Variants in ITGA3 observed in about 807,000 individuals in gnomAD.
ITGA3 encodes integrin subunit alpha 3.
A neutral mutation model predicts 131.1 loss-of-function variants in ITGA3; 70 were observed. The ratio of observed to expected loss-of-function variants is 0.53; its 90% CI spans 0.44 to 0.65. The LOEUF (loss-of-function observed/expected upper bound fraction) is 0.65, where lower values mean the gene tolerates loss of function less well. Among genes scored for constraint, ITGA3 ranks in the 30% least tolerant of loss-of-function variants. The pLI, the probability that ITGA3 is intolerant of heterozygous loss-of-function variation, is 0.00. For missense variants in ITGA3, 1,098 were observed against 1,388.6 expected (o/e 0.79, Z 3.33); for synonymous variants, 537 against 571.6 (o/e 0.94, Z 0.86).
Position 50,071,486 on chromosome 17 carries a change from C to T in ITGA3, c.927C>T (p.Ser309=), listed in dbSNP as rs139244482. 63 of 1,611,198 alleles carry T rather than the reference C, an allele frequency of 3.9e-5. No homozygotes were observed. The highest frequency in any genetic ancestry group is 6.7e-5 in the African/African-American group (5 of 74,908). ...EGSQVGAYFG[S]AIALADLNND... ...CGCAGGTGGGCGCCTATTTTGGCAG[C>T]GCCATTGCCCTGGCAGACCTGAACA... The change falls in exon 6 of 26, where the codon AGC becomes AGT. Residue 309 remains serine (S), a synonymous_variant. Transcript: ENST00000320031.
chr17:50,073,712 C>T (rs1042282571), intron 7 of ITGA3, among the ~76,000 whole-genome samples: 19 of 152,246 alleles, frequency 1.2e-4, no homozygotes, highest in Admixed American at 2.6e-4. Context: ...CTTTCCCACC[C>T]GTGATAGGAG....
Position 50,088,344 on chromosome 17 carries a change from C to A in ITGA3, c.*9C>A. 6.4e-7 allele frequency: 1 copy of A among 1,555,052 alleles called. No homozygotes were observed. ...TGACCGACGACTACTGAGGGGGCAGCCCCCCGCCCCCGGCCCACCTGGGTA... is the reference window on the plus strand; with the variant it reads ...TGACCGACGACTACTGAGGGGGCAGACCCCCGCCCCCGGCCCACCTGGGTA... On this transcript the variant is annotated 3_prime_UTR_variant, in exon 25 of 26. Transcript: ENST00000320031.
chr17:50,087,914 A>C (rs369700640), intron 24 of ITGA3, 45 bp downstream of exon 24: 14 of 1,509,112 alleles, frequency 9.3e-6, no homozygotes, highest in East Asian at 5.0e-5. Flanking sequence ...CCACCAGCAC[A>C]CTCACCAGCC....
intron 1 of ITGA3, among the ~76,000 whole-genome samples, chr17:50,059,794 G>C (rs2144254394): frequency 6.6e-6 from 1 of 152,290 alleles, no homozygotes; most frequent in East Asian, 1.9e-4. Flanking sequence ...ATGCCCTCGG[G>C]GGTCAAATAC....
chr17:50,074,061 G>T (rs1908762984), intron 8 of ITGA3, 57 bp downstream of exon 8: 1 of 1,555,566 alleles, frequency 6.4e-7, no homozygotes, highest in Non-Finnish European at 8.9e-7. Context: ...GGCCTTCCTT[G>T]CTTTCCTTCA....
At chr17:50,081,157 TGTG>T in intron 22 of ITGA3, 150 bp from the exon 23 acceptor site, 1 of 595,712 alleles carries the variant, frequency 1.7e-6, no homozygotes, top group Non-Finnish European at 3.0e-6. Flanking sequence ...TGCGCATTTG[TGTG>T]TGGAGGGGAG....
In ITGA3 at chr17:50,071,325, G is replaced by A; in HGVS notation, c.766G>A (p.Val256Ile). The A allele has an allele frequency of 6.2e-7, 1 of 1,614,018 alleles. No individual in the cohort carries two copies. The highest frequency in any genetic ancestry group is 8.5e-7 in the Non-Finnish European group (1 of 1,180,008). Reference sequence around the variant, plus strand: ...CTCTATCCCAGGGTACACGATGCAGGTAGGCAGCTTCATCCTGCACCCCAA... The same window carrying A: ...CTCTATCCCAGGGTACACGATGCAGATAGGCAGCTTCATCCTGCACCCCAA... ...GNLYIGYTMQ[V>I]GSFILHPKNI... Residue 256 changes from valine (V) to isoleucine (I), a missense_variant, in exon 6 of 26, where the codon GTA becomes ATA. Transcript: ENST00000320031.
intron 4 of ITGA3, 124 bp downstream of exon 4, chr17:50,068,429 A>G: frequency 3.0e-6 from 3 of 997,106 alleles, no homozygotes; most frequent in Non-Finnish European, 4.4e-6. Context: ...AGTATCAGCA[A>G]CCACCATGAC....
rs142148059 is a variant in ITGA3, at chr17:50,089,267, G to A, written c.*189G>A. The A allele has an allele frequency of 3.1e-5, 50 of 1,612,004 alleles. No homozygotes were observed. Among genetic ancestry groups the A allele is most frequent in the Admixed American group, 6.7e-5 (4 of 59,884 alleles). The stretch of plus-strand genomic sequence containing the variant: ...CAGACTCGGGACCAATACTACTGAC[G>A]TCCTCCCTGATCCCACCCCCTCCTC... On this transcript the variant is annotated 3_prime_UTR_variant, in exon 26 of 26. Coordinates refer to ENST00000320031, the MANE Select transcript of ITGA3 (RefSeq NM_002204.4).
chr17:50,090,257 A>C lies in ITGA3; in HGVS notation c.*1179A>C, dbSNP rs1062542. ...GTTCTTAGCTATCCTTGGCTTTCAG[A>C]GCCAGCCTGGCTCTGCCCCCTCCCC... is the stretch of plus-strand genomic sequence containing the variant. On this transcript the variant is annotated 3_prime_UTR_variant, in exon 26 of 26. Transcript: ENST00000320031. 45 of 456,370 alleles carry C rather than the reference A, an allele frequency of 9.9e-5. No individual in the cohort carries two copies. Among genetic ancestry groups the C allele is most frequent in the South Asian group, 7.0e-4 (45 of 64,574 alleles). 28.3% of individuals were successfully genotyped at this position (456,370 alleles called of 1,614,324 possible).
At chr17:50,060,711 G>A (rs891966831) in intron 1 of ITGA3, among the ~76,000 whole-genome samples, 3 of 152,068 alleles carry the variant, frequency 2.0e-5, no homozygotes, top group African/African-American at 4.8e-5. Flanking sequence ...GAGAGGGGCA[G>A]TCCCATCTCC....
intron 5 of ITGA3, 54 bp downstream of exon 5, chr17:50,070,984 C>A: frequency 8.6e-7 from 1 of 1,167,384 alleles, no homozygotes; most frequent in Non-Finnish European, 1.3e-6. Context: ...GGGCTTAGTC[C>A]CTGGTGGAAA....
rs774597013 is a variant in ITGA3, at chr17:50,071,522, A to G, written c.959+4A>G. ...TGGCAGACCTGAACAATGATGGGTG[A>G]GAATCTAGGGACATCCTCTGGGGCC... On this transcript the variant is annotated splice_donor_region_variant and intron_variant, in intron 6 of 25. Coordinates refer to ENST00000320031, the MANE Select transcript of ITGA3 (RefSeq NM_002204.4). 6.2e-7 allele frequency: 1 copy of G among 1,602,244 alleles called. No homozygotes were observed. Among genetic ancestry groups the G allele is most frequent in the Admixed American group, 1.7e-5 (1 of 59,528 alleles).
In ITGA3 at chr17:50,056,209, C is replaced by T. The variant is rs555629553; in HGVS notation, c.-231C>T. Reference sequence around the variant, plus strand: ...TTGCCCGGGGCAGGGACGGCGGCGACCCGGCCGCTGGGGAGGCAGGAAGAT... The same window carrying T: ...TTGCCCGGGGCAGGGACGGCGGCGATCCGGCCGCTGGGGAGGCAGGAAGAT... On this transcript the variant is annotated 5_prime_UTR_variant, in exon 1 of 26. Transcript: ENST00000320031. This position sits in a 1 kb window ranked among gnomAD's most constrained non-coding sequence, Gnocchi z 5.6. 1.4e-5 allele frequency: 6 copies of T among 437,882 alleles called. No individual in the cohort carries two copies. Among genetic ancestry groups the T allele is most frequent in the African/African-American group, 8.3e-5 (4 of 48,356 alleles). 27.1% of individuals were successfully genotyped at this position (437,882 alleles called of 1,614,324 possible).
At position 50,064,629 on chromosome 17, in the gene ITGA3, G is replaced by C. The variant is rs375558590; in HGVS notation, c.414+22G>C. 3.8e-6 allele frequency: 6 copies of C among 1,598,998 alleles called. No individual in the cohort carries two copies. The Admixed American group carries it at 8.6e-5, about 23-fold the overall frequency. On this transcript the variant is annotated intron_variant, in intron 3 of 25. Transcript: ENST00000320031. The surrounding 1 kb of genome is among the most constrained non-coding windows in gnomAD (Gnocchi z 4.4). ...TCTGGTAAGTGGGTGCTCAGTGTTG[G>C]CTCCTCCACCTCTACCCGGCTCTCC... is the stretch of plus-strand genomic sequence containing the variant.
chr17:50,086,707 A>AT (rs1555557255), intron 23 of ITGA3: 1 of 148,172 alleles, frequency 6.7e-6, no homozygotes, highest in Admixed American at 6.8e-5. Context: ...AAAAAAAAAA[A>AT]CCTCATATAC....
intron 23 of ITGA3, among the ~76,000 whole-genome samples, chr17:50,083,318 G>T (rs181271046): frequency 6.6e-6 from 1 of 152,166 alleles, no homozygotes; most frequent in East Asian, 1.9e-4. Context: ...CACTTTAATA[G>T]TAACCTTTAA....
Position 50,072,176 on chromosome 17 carries a change from T to C in ITGA3, c.1150T>C (p.Phe384Leu), listed in dbSNP as rs200979989. 6.2e-7 allele frequency: 1 copy of C among 1,612,846 alleles called. No homozygotes were observed. Among genetic ancestry groups the C allele is most frequent in the African/African-American group, 1.3e-5 (1 of 74,934 alleles). ...ASIGDINQDG[F>L]QDIAVGAPFE... ...CATTGGTGACATCAACCAGGATGGA[T>C]TTCAGGGTATGAGCCAGCACTCCTC... The change falls in exon 7 of 26, where the codon TTT becomes CTT. Residue 384 changes from phenylalanine (F) to leucine (L), a missense_variant. Physicochemically the swap from Phe to Leu is conservative, Grantham distance 22 (BLOSUM62 0). Coordinates refer to ENST00000320031, the MANE Select transcript of ITGA3 (RefSeq NM_002204.4).
At position 50,089,407 on chromosome 17, in the gene ITGA3, T is replaced by C. The variant is rs944875508; in HGVS notation, c.*329T>C. The C allele has an allele frequency of 9.0e-6, 6 of 664,930 alleles. No homozygotes were observed. The highest frequency in any genetic ancestry group is 8.1e-5 in the Admixed American group (3 of 37,018). The allele number at this position is 664,930 out of a possible 1,614,324, so 41.2% of individuals were successfully genotyped here. On this transcript the variant is annotated 3_prime_UTR_variant, in exon 26 of 26. Coordinates refer to ENST00000320031, the MANE Select transcript of ITGA3 (RefSeq NM_002204.4). Reference sequence around the variant, plus strand: ...AGGCACATACACCTCGTCAAGAGCATGCACATGCTGTCTGGCCCTGGGGAT... The same window carrying C: ...AGGCACATACACCTCGTCAAGAGCACGCACATGCTGTCTGGCCCTGGGGAT...
Sources: allele counts gnomAD v4.1 joint callset (sites outside exome capture counted in the v4.1 genomes callset), GRCh38; gene constraint gnomAD v4.1.1; non-coding constraint Gnocchi (gnomAD v3.1); transcripts MANE v1.5; gene names NCBI Gene and HGNC (gene_info 2026-07-23, HGNC 2026-07-21).